SNURF: variants seen among roughly 807,000 people sequenced by gnomAD.
SNURF encodes SNRPN upstream open reading frame, also known as SNURF protein.
A neutral mutation model predicts 11.6 loss-of-function variants in SNURF; 6 were observed. The ratio of observed to expected loss-of-function variants is 0.52; its 90% CI spans 0.28 to 1.02. SNURF has a LOEUF of 1.02. Ranked by LOEUF, SNURF falls within the 50% of genes least tolerant of loss-of-function variation. SNURF has a pLI of 0.09. For missense variants in SNURF, 84 were observed against 88.4 expected (o/e 0.95, Z 0.20); for synonymous variants, 29 against 31.6 (o/e 0.92, Z 0.27).
chr15:24,972,769 T>C (rs1441428187), downstream of SNURF, among the ~76,000 whole-genome samples: 1 of 148,680 alleles, frequency 6.7e-6, no homozygotes. Flanking sequence ...GGAAACATTA[T>C]GCATGCTTGA....
intron 5 of SNURF, chr15:24,976,772 G>T: frequency 1.0e-6 from 1 of 981,812 alleles, no homozygotes; most frequent in South Asian, 1.4e-5. Flanking sequence ...ACTAATATGA[G>T]ATAGGTGTCA....
intron 6 of SNURF, chr15:24,977,123 A>T: frequency 1.0e-6 from 1 of 967,462 alleles, no homozygotes; most frequent in African/African-American, 1.7e-5. Context: ...GTGTCATACA[A>T]TGTAAACAGC....
downstream of SNURF, among the ~76,000 whole-genome samples, chr15:24,969,630 CTCAGT>C (rs1243587951): frequency 1.3e-5 from 2 of 152,178 alleles, no homozygotes; most frequent in African/African-American, 2.4e-5. Flanking sequence ...TTTTTAGCTT[CTCAGT>C]TCAGTTCACA....
At chr15:24,972,998 C>T (rs1435385086), downstream of SNURF, among the ~76,000 whole-genome samples, 3 of 152,140 alleles carry the variant, frequency 2.0e-5, no homozygotes, top group Admixed American at 6.5e-5. Context: ...AGCGATTCTC[C>T]TGCCTCAGCC....
intron 6 of SNURF, chr15:24,977,044 G>A: frequency 1.5e-5 from 24 of 1,549,888 alleles, no homozygotes; most frequent in Non-Finnish European, 2.0e-5. Context: ...GGAACCAGCA[G>A]AGGGTTTTAT....
intron 1 of SNURF, chr15:24,958,639 G>A (rs1338924378): frequency 6.6e-6 from 1 of 151,182 alleles, no homozygotes; most frequent in Non-Finnish European, 1.5e-5. Context: ...TTCTCTTTTT[G>A]TTAATTCTCC....
downstream of SNURF, among the ~76,000 whole-genome samples, chr15:24,972,916 C>G (rs2076608394): frequency 6.6e-6 from 1 of 151,478 alleles, no homozygotes; most frequent in South Asian, 2.1e-4. Flanking sequence ...GAGATGGAGT[C>G]TTGCTCTGTT....
downstream of SNURF, chr15:24,977,897 C>T (rs1032751642): frequency 6.4e-7 from 1 of 1,571,890 alleles, no homozygotes; most frequent in African/African-American, 1.4e-5. Context: ...CACCCGTCGG[C>T]AGAGCAACCC....
At chr15:24,972,541 CTTT>C (rs755600861), downstream of SNURF, among the ~76,000 whole-genome samples, 2 of 112,210 alleles carry the variant, frequency 1.8e-5, no homozygotes. Context: ...TTAGAGTATT[CTTT>C]TTTTTTTTTT....
intron 2 of SNURF, among the ~76,000 whole-genome samples, chr15:24,967,597 G>A (rs1051096596): frequency 2.0e-5 from 3 of 151,454 alleles, no homozygotes; most frequent in Admixed American, 6.6e-5. Flanking sequence ...AGCCCAGATC[G>A]TGCCACTGCA....
chr15:24,968,500 A>G (rs1566967281), downstream of SNURF: 1 of 156,314 alleles, frequency 6.4e-6, no homozygotes, highest in East Asian at 1.9e-4. Context: ...AGATGTGAAA[A>G]TAAATTGAAT....
downstream of SNURF, chr15:24,978,083 T>A (rs540745770): frequency 1.1e-4 from 139 of 1,256,902 alleles, no homozygotes; most frequent in African/African-American, 1.8e-3. Context: ...TAGAAGTTAT[T>A]TGACTCTATC....
downstream of SNURF, among the ~76,000 whole-genome samples, chr15:24,970,809 T>G (rs1382543012): frequency 6.6e-6 from 1 of 152,144 alleles, no homozygotes; most frequent in African/African-American, 2.4e-5. Flanking sequence ...TATTCTGGTG[T>G]TTTTTTGTTT....
chr15:24,959,521 G>A (rs1376303885), intron 1 of SNURF, among the ~76,000 whole-genome samples: 3 of 152,174 alleles, frequency 2.0e-5, no homozygotes, highest in Non-Finnish European at 4.4e-5. Context: ...TATTTCCTCA[G>A]TTGACCTCAG....
chr15:24,966,102 A>G (rs1414158217), intron 2 of SNURF, among the ~76,000 whole-genome samples: 2 of 152,146 alleles, frequency 1.3e-5, no homozygotes, highest in East Asian at 3.9e-4. Context: ...ACAGTTGTCT[A>G]GATGCCCTCC....
chr15:24,955,158 A>T (rs568085420), intron 1 of SNURF, 96 bp downstream of exon 1: 1 of 1,536,256 alleles, frequency 6.5e-7, no homozygotes, highest in African/African-American at 1.4e-5. Context: ...GGAGTACTGA[A>T]TAAACGGAAT....
intron 3 of SNURF, chr15:24,974,516 T>C (rs1387506810): frequency 3.3e-6 from 5 of 1,506,956 alleles, no homozygotes; most frequent in Non-Finnish European, 3.7e-6. Context: ...AGAAATAGTT[T>C]GCCAGCATGT....
chr15:24,955,136 T>A, intron 1 of SNURF, 74 bp downstream of exon 1: 1 of 1,595,214 alleles, frequency 6.3e-7, no homozygotes, highest in African/African-American at 1.3e-5. Context: ...ATATTCCAAG[T>A]TTTTAGGACT....
At chr15:24,970,698 C>T (rs2076290046), downstream of SNURF, among the ~76,000 whole-genome samples, 1 of 152,114 alleles carries the variant, frequency 6.6e-6, no homozygotes, top group South Asian at 2.1e-4. Flanking sequence ...ATTAGTATGA[C>T]TTTTAAACGT....
Sources: gnomAD v4.1 joint callset for allele counts (sites outside exome capture counted in the v4.1 genomes callset) on GRCh38, gnomAD v4.1.1 for gene constraint, MANE v1.5 for transcripts, NCBI Gene and HGNC (gene_info 2026-07-23, HGNC 2026-07-21) for gene names.